The following MGLL variants were observed in gnomAD, a reference collection of about 807,000 sequenced individuals.
MGLL encodes the protein lysophospholipase homolog.
MGLL carries 7 observed loss-of-function variants against 29.1 expected under a neutral mutation model. The observed-to-expected ratio is 0.24, with a 90% CI of 0.14 to 0.45. The LOEUF (loss-of-function observed/expected upper bound fraction) is 0.45. Among genes scored for constraint, MGLL ranks in the 20% least tolerant of loss-of-function variants. The probability of loss-of-function intolerance (pLI) is 0.99; values close to 1 mark genes in which losing one functional copy is unlikely to be tolerated. For synonymous variants in MGLL, 148 were observed against 168.3 expected, an observed-to-expected ratio of 0.88 and a Z score of 0.93; for missense variants, 356 against 413.6, an observed-to-expected ratio of 0.86 and a Z score of 1.21.
chr3:127,707,931 A>G lies in MGLL; in HGVS notation c.600+2645T>C, dbSNP rs1329736882. Among the ~76,000 whole-genome samples, 5 of 152,208 alleles carry G rather than the reference A, an allele frequency of 3.3e-5. No individual in the cohort carries two copies. The East Asian group carries it at 9.6e-4, about 29-fold the overall frequency. On this transcript the variant is annotated intron_variant, in intron 6 of 7. Transcript: ENST00000265052. ...AACATTCTGCTTCTGACATTCTGGC[A>G]ACAGAGCTAACCCGCTTCCCTTCAG...
intron 3 of MGLL, among the ~76,000 whole-genome samples, chr3:127,774,447 A>G (rs1205400426): frequency 1.3e-5 from 2 of 152,196 alleles, no homozygotes; most frequent in African/African-American, 4.8e-5. Context: ...CTGTGCCTAG[A>G]ACAGTTAGGA....
intron 3 of MGLL, among the ~76,000 whole-genome samples, chr3:127,730,806 TA>T (rs906578392): frequency 2.6e-5 from 4 of 152,318 alleles, no homozygotes; most frequent in African/African-American, 9.6e-5. Context: ...CAGTGGCTTC[TA>T]AGGTGAGTGT....
chr3:127,810,808 A>G (rs1420293506), intron 2 of MGLL, among the ~76,000 whole-genome samples: 3 of 152,208 alleles, frequency 2.0e-5, no homozygotes, highest in Non-Finnish European at 2.9e-5. Context: ...CTGGAGCTCA[A>G]TTAATACCTG....
chr3:127,702,192 C>T (rs2075504525), intron 6 of MGLL, among the ~76,000 whole-genome samples: 1 of 152,238 alleles, frequency 6.6e-6, no homozygotes, highest in Non-Finnish European at 1.5e-5. Flanking sequence ...CCCTCTGGGC[C>T]ACTGCAGTTG....
chr3:127,756,761 T>C (rs2076672287), intron 3 of MGLL, among the ~76,000 whole-genome samples: 1 of 152,178 alleles, frequency 6.6e-6, no homozygotes, highest in Non-Finnish European at 1.5e-5. Context: ...TTTCTAGCAG[T>C]CAAACTTAAT....
chr3:127,714,433 A>G (rs1459055000), intron 5 of MGLL, among the ~76,000 whole-genome samples: 16 of 152,258 alleles, frequency 1.1e-4, no homozygotes, highest in Admixed American at 1.0e-3. Flanking sequence ...AGCTGCTGCC[A>G]GCAGGTTCAG....
intron 2 of MGLL, among the ~76,000 whole-genome samples, chr3:127,807,187 GT>G (rs2077581301): frequency 6.6e-6 from 1 of 151,984 alleles, no homozygotes; most frequent in African/African-American, 2.4e-5. Flanking sequence ...GTCTTTACTT[GT>G]TTTAAGTCTA....
chr3:127,816,767 G>T (rs189828744), intron 2 of MGLL, among the ~76,000 whole-genome samples: 19 of 152,224 alleles, frequency 1.2e-4, no homozygotes, highest in African/African-American at 4.6e-4. Flanking sequence ...GGAGGGCTGT[G>T]ATGGGGACCA....
At chr3:127,706,629 G>A (rs75419697) in intron 6 of MGLL, among the ~76,000 whole-genome samples, 1,703 of 152,338 alleles carry the variant, frequency 0.011, 38 homozygotes, top group African/African-American at 0.039. Context: ...TCTAGTGCCT[G>A]TTGTTTTTTT....
intron 2 of MGLL, among the ~76,000 whole-genome samples, chr3:127,800,379 TG>T (rs1343670283): frequency 1.3e-5 from 2 of 152,226 alleles, no homozygotes; most frequent in African/African-American, 4.8e-5. Context: ...ACCCCTTACA[TG>T]GGGAATAGCC....
chr3:127,763,690 C>T (rs1393350280), intron 3 of MGLL, among the ~76,000 whole-genome samples: 1 of 152,192 alleles, frequency 6.6e-6, no homozygotes, highest in African/African-American at 2.4e-5. Context: ...CACTGTGGTC[C>T]TTCCCTCTGT....
chr3:127,817,958 T>TC (rs569015083), intron 2 of MGLL, among the ~76,000 whole-genome samples: 3 of 152,194 alleles, frequency 2.0e-5, no homozygotes, highest in Non-Finnish European at 2.9e-5. Flanking sequence ...TGATCCAGTA[T>TC]CCCCCCCTTT....
chr3:127,692,113 TTTG>T lies in MGLL; in HGVS notation c.*82_*84del, dbSNP rs1305296036. The T allele has an allele frequency of 0.044, 36,776 of 838,084 alleles. 129 individuals carry two copies. Among genetic ancestry groups the T allele is most frequent in the Middle Eastern group, 0.052 (123 of 2,366 alleles). The allele number at this position is 838,084 out of a possible 1,614,324, so 51.9% of individuals were successfully genotyped here. A position where few individuals can be genotyped will look rare whatever the true frequency, so the allele number is the denominator to read the frequency against. Reference sequence around the variant, plus strand: ...TTTCTGATTTTTTTTTTTTTTTTTTTTTGGCAAGCCATATCTGAGAAGCCATCT... The same window carrying T: ...TTTCTGATTTTTTTTTTTTTTTTTTTGCAAGCCATATCTGAGAAGCCATCT... On this transcript the variant is annotated 3_prime_UTR_variant, in exon 8 of 8. Transcript: ENST00000265052.
At chr3:127,706,972 G>A (rs1403763538) in intron 6 of MGLL, among the ~76,000 whole-genome samples, 1 of 151,606 alleles carries the variant, frequency 6.6e-6, no homozygotes, top group East Asian at 1.9e-4. Context: ...CAGGCAACAG[G>A]GGGACCTGGA....
At chr3:127,807,442 T>C (rs547940338) in intron 2 of MGLL, among the ~76,000 whole-genome samples, 37 of 152,276 alleles carry the variant, frequency 2.4e-4, no homozygotes, top group Admixed American at 2.4e-3. Context: ...ATTTCCTCTA[T>C]TGTTTTCCTA....
chr3:127,770,695 G>A (rs1399682494), intron 3 of MGLL, among the ~76,000 whole-genome samples: 1 of 152,214 alleles, frequency 6.6e-6, no homozygotes, highest in Non-Finnish European at 1.5e-5. Flanking sequence ...CCAGGAGGCA[G>A]GGCTGTACGG....
At chr3:127,711,010 GGC>G in intron 5 of MGLL, 2 of 379,402 alleles carry the variant, frequency 5.3e-6, no homozygotes, top group South Asian at 2.1e-5. Flanking sequence ...GATGAGCTCT[GGC>G]CATTTCTCTG....
intron 2 of MGLL, among the ~76,000 whole-genome samples, chr3:127,797,132 T>C (rs1193465937): frequency 6.6e-6 from 1 of 152,104 alleles, no homozygotes; most frequent in Non-Finnish European, 1.5e-5. Flanking sequence ...GAGGCCATGC[T>C]GTGCCACATA....
At chr3:127,808,368 GC>G (rs1398821718) in intron 2 of MGLL, among the ~76,000 whole-genome samples, 1 of 152,200 alleles carries the variant, frequency 6.6e-6, no homozygotes. Flanking sequence ...TAAAATGGTT[GC>G]CAGAGTGCCC....
Sources: gnomAD v4.1 joint callset for allele counts (sites outside exome capture counted in the v4.1 genomes callset) on GRCh38, gnomAD v4.1.1 for gene constraint, MANE v1.5 for transcripts, NCBI Gene and HGNC (gene_info 2026-07-23, HGNC 2026-07-21) for gene names.